Variants in KCNMA1 observed in about 807,000 individuals in gnomAD.
The protein encoded by KCNMA1 is potassium calcium-activated channel subfamily M alpha 1.
A neutral mutation model predicts 140.0 loss-of-function variants in KCNMA1; 29 were observed. That is an observed-to-expected ratio of 0.21 (90% confidence interval 0.15 to 0.28). The LOEUF (loss-of-function observed/expected upper bound fraction) is 0.28. Ranked by LOEUF, KCNMA1 falls within the 10% of genes least tolerant of loss-of-function variation. The pLI is 1.00. For synonymous variants in KCNMA1, 612 were observed against 611.9 expected (o/e 1.00, Z 0.00); for missense variants, 880 against 1,602.2 (o/e 0.55, Z 7.70).
chr10:77,399,309 T>C (rs1248930766), intron 2 of KCNMA1, among the ~76,000 whole-genome samples: 2 of 152,162 alleles, frequency 1.3e-5, no homozygotes, highest in Non-Finnish European at 2.9e-5. Flanking sequence ...GACTGCTATA[T>C]CCAAATTTCC....
At chr10:77,516,532 G>A (rs1219119198) in intron 1 of KCNMA1, among the ~76,000 whole-genome samples, 3 of 152,226 alleles carry the variant, frequency 2.0e-5, no homozygotes, top group East Asian at 3.8e-4. Context: ...CTGACCCATG[G>A]TAGGTGCACA....
intron 2 of KCNMA1, among the ~76,000 whole-genome samples, chr10:77,320,365 T>C (rs916017149): frequency 1.1e-4 from 16 of 152,188 alleles, no homozygotes; most frequent in African/African-American, 3.1e-4. Flanking sequence ...CAAACTTTCA[T>C]GCAGGTTTCT....
intron 10 of KCNMA1, among the ~76,000 whole-genome samples, chr10:77,089,240 G>C (rs548738369): frequency 6.6e-6 from 1 of 152,326 alleles, no homozygotes; most frequent in African/African-American, 2.4e-5. Flanking sequence ...AGAGGACGAC[G>C]ATCCACCAAA....
At chr10:76,965,964 T>C (rs796953338) in intron 20 of KCNMA1, among the ~76,000 whole-genome samples, 14 of 152,326 alleles carry the variant, frequency 9.2e-5, no homozygotes, top group African/African-American at 3.4e-4. Flanking sequence ...CCCATGCTAG[T>C]GGAACCCCCA....
chr10:77,468,378 T>A (rs565778264), intron 1 of KCNMA1, among the ~76,000 whole-genome samples: 39 of 152,314 alleles, frequency 2.6e-4, no homozygotes, highest in Admixed American at 2.4e-3. Flanking sequence ...CCACCAAAAA[T>A]TCACATTGAA....
chr10:77,025,918 G>A (rs1298234650), intron 16 of KCNMA1, among the ~76,000 whole-genome samples: 1 of 149,096 alleles, frequency 6.7e-6, no homozygotes, highest in East Asian at 2.0e-4. Flanking sequence ...CCACATTTGA[G>A]AATTAAAGCT....
chr10:77,470,424 G>A (rs2098125280), intron 1 of KCNMA1, among the ~76,000 whole-genome samples: 1 of 152,108 alleles, frequency 6.6e-6, no homozygotes, highest in Admixed American at 6.5e-5. Context: ...CAGCAGAAGA[G>A]CTTCATCCAG....
intron 1 of KCNMA1, among the ~76,000 whole-genome samples, chr10:77,591,480 A>G (rs1396708195): frequency 2.0e-5 from 3 of 152,232 alleles, no homozygotes; most frequent in African/African-American, 4.8e-5. Context: ...AGCATCATCA[A>G]TAAGCACCAC....
chr10:77,034,277 C>A (rs2094166803), intron 15 of KCNMA1, among the ~76,000 whole-genome samples: 1 of 151,574 alleles, frequency 6.6e-6, no homozygotes, highest in Non-Finnish European at 1.5e-5. Context: ...GAGATCTGAG[C>A]CTCTCCATAA....
chr10:77,629,122 G>A (rs1002846753), intron 1 of KCNMA1, among the ~76,000 whole-genome samples: 3 of 152,188 alleles, frequency 2.0e-5, no homozygotes, highest in East Asian at 1.9e-4. Context: ...TCCAAGGCTC[G>A]GCTTGACAAC....
intron 15 of KCNMA1, among the ~76,000 whole-genome samples, chr10:77,037,532 G>A (rs2094415647): frequency 1.3e-5 from 2 of 152,122 alleles, no homozygotes; most frequent in Admixed American, 6.5e-5. Flanking sequence ...ACCCATAAGA[G>A]GAACGGACTC....
chr10:77,584,254 T>C (rs1204489288), intron 1 of KCNMA1, among the ~76,000 whole-genome samples: 1 of 152,184 alleles, frequency 6.6e-6, no homozygotes, highest in African/African-American at 2.4e-5. Context: ...CGTCCTCCCC[T>C]AGCAACAAGC....
intron 1 of KCNMA1, among the ~76,000 whole-genome samples, chr10:77,581,463 G>A (rs1009073933): frequency 5.3e-5 from 8 of 152,144 alleles, no homozygotes; most frequent in Admixed American, 3.3e-4. Flanking sequence ...CCGCCACCAC[G>A]CCTGTTTAAT....
At chr10:77,050,127 G>A (rs1188399165) in intron 14 of KCNMA1, among the ~76,000 whole-genome samples, 1 of 151,922 alleles carries the variant, frequency 6.6e-6, no homozygotes, top group African/African-American at 2.4e-5. Context: ...AGCCCTCCTT[G>A]TCTTCTCCTT....
At chr10:77,507,428 G>T (rs2046559854) in intron 1 of KCNMA1, among the ~76,000 whole-genome samples, 1 of 152,184 alleles carries the variant, frequency 6.6e-6, no homozygotes, top group African/African-American at 2.4e-5. Flanking sequence ...TACCCCCACT[G>T]CCCCATCCCA....
intron 14 of KCNMA1, among the ~76,000 whole-genome samples, chr10:77,054,803 G>T (rs1346901183): frequency 6.6e-6 from 1 of 152,212 alleles, no homozygotes; most frequent in East Asian, 1.9e-4. Context: ...ATTGATCTCA[G>T]TGTCATGTTA....
chr10:77,057,551 G>A (rs112190872), intron 14 of KCNMA1, among the ~76,000 whole-genome samples: 22 of 151,970 alleles, frequency 1.4e-4, no homozygotes, highest in Non-Finnish European at 2.4e-4. Flanking sequence ...TTATAACATT[G>A]TCTGATATAG....
At chr10:76,879,742 A>G (rs1350102837) in intron 29 of KCNMA1, among the ~76,000 whole-genome samples, 1 of 152,228 alleles carries the variant, frequency 6.6e-6, no homozygotes, top group Non-Finnish European at 1.5e-5. Flanking sequence ...GCTCCATTTA[A>G]AAAACCATTT....
intron 2 of KCNMA1, among the ~76,000 whole-genome samples, chr10:77,328,975 G>A (rs1239750264): frequency 1.3e-5 from 2 of 151,816 alleles, no homozygotes; most frequent in Non-Finnish European, 2.9e-5. Context: ...CGAGTAGCTG[G>A]GACTACAGGC....
Sources: allele counts gnomAD v4.1 joint callset (sites outside exome capture counted in the v4.1 genomes callset), GRCh38; gene constraint gnomAD v4.1.1; transcripts MANE v1.5; gene names NCBI Gene and HGNC (gene_info 2026-07-23, HGNC 2026-07-21).